TNIP3: variants seen among roughly 807,000 people sequenced by gnomAD.
The protein encoded by TNIP3 is TNFAIP3-interacting protein 3.
A neutral mutation model predicts 54.1 loss-of-function variants in TNIP3; 34 were observed. The observed-to-expected ratio is 0.63, with a 90% CI of 0.48 to 0.84. The LOEUF is 0.84. TNIP3 is among the 40% of genes least tolerant of loss of function. The pLI is 0.00. For synonymous variants in TNIP3, 134 were observed against 136.8 expected (o/e 0.98, Z 0.14); for missense variants, 366 against 387.6 (o/e 0.94, Z 0.47).
chr4:121,152,676 A>T (rs921101156), intron 5 of TNIP3, among the ~76,000 whole-genome samples: 1 of 152,222 alleles, frequency 6.6e-6, no homozygotes, highest in Non-Finnish European at 1.5e-5. Flanking sequence ...ACATTATGAC[A>T]TTGCCTGAGT....
At chr4:121,171,758 T>A (rs1414618817) in intron 3 of TNIP3, among the ~76,000 whole-genome samples, 3 of 151,982 alleles carry the variant, frequency 2.0e-5, no homozygotes, top group Non-Finnish European at 2.9e-5. Flanking sequence ...TGAGATGGAG[T>A]CTCACACTGT....
At chr4:121,211,302 A>G (rs146003793) in intron 2 of TNIP3, among the ~76,000 whole-genome samples, 73 of 152,336 alleles carry the variant, frequency 4.8e-4, no homozygotes, top group African/African-American at 1.7e-3. Flanking sequence ...ATAAAATACT[A>G]AAAAGAGGAA....
At chr4:121,179,606 A>G (rs1724561781) in intron 3 of TNIP3, among the ~76,000 whole-genome samples, 1 of 152,214 alleles carries the variant, frequency 6.6e-6, no homozygotes, top group Non-Finnish European at 1.5e-5. Context: ...TAGAATGAAG[A>G]AAAGGAAAAA....
At chr4:121,197,187 T>A (rs890166750) in intron 2 of TNIP3, among the ~76,000 whole-genome samples, 1 of 152,088 alleles carries the variant, frequency 6.6e-6, no homozygotes, top group Non-Finnish European at 1.5e-5. Flanking sequence ...TGTTTAGCTT[T>A]ACTGTTAAAG....
intron 1 of TNIP3, among the ~76,000 whole-genome samples, chr4:121,163,398 A>G (rs1162321357): frequency 6.6e-6 from 1 of 152,208 alleles, no homozygotes; most frequent in Non-Finnish European, 1.5e-5. Flanking sequence ...AAAGATTTTC[A>G]GTCATTGATT....
chr4:121,178,550 C>T (rs1214391496), intron 3 of TNIP3, among the ~76,000 whole-genome samples: 4 of 152,182 alleles, frequency 2.6e-5, no homozygotes, highest in Non-Finnish European at 5.9e-5. Flanking sequence ...AAGAGTGGTA[C>T]AGCAAACTTT....
At chr4:121,140,715 A>G (rs1223746262) in intron 9 of TNIP3, among the ~76,000 whole-genome samples, 1 of 152,234 alleles carries the variant, frequency 6.6e-6, no homozygotes, top group African/African-American at 2.4e-5. Flanking sequence ...ATTCTTGAAA[A>G]AAAAATTTAA....
chr4:121,203,216 T>TATAGGTAGATAG (rs1553936810), intron 2 of TNIP3, among the ~76,000 whole-genome samples: 2 of 146,964 alleles, frequency 1.4e-5, no homozygotes, highest in Non-Finnish European at 1.5e-5. Flanking sequence ...GAAAATGTGA[T>TATAGGTAGATAG]ATAGATAGAT....
intron 7 of TNIP3, among the ~76,000 whole-genome samples, chr4:121,145,622 A>G (rs1381777334): frequency 6.7e-6 from 1 of 149,170 alleles, no homozygotes; most frequent in Non-Finnish European, 1.5e-5. Context: ...ATAATTATAT[A>G]TTGATATATA....
upstream of TNIP3, among the ~76,000 whole-genome samples, chr4:121,221,468 T>C (rs1001073982): frequency 6.6e-6 from 1 of 152,228 alleles, no homozygotes; most frequent in Non-Finnish European, 1.5e-5. Context: ...ATAATTTCTA[T>C]GCAAAATGAG....
At chr4:121,153,219 A>G (rs1371824689) in intron 5 of TNIP3, among the ~76,000 whole-genome samples, 1 of 152,198 alleles carries the variant, frequency 6.6e-6, no homozygotes, top group Non-Finnish European at 1.5e-5. Flanking sequence ...GAATGATGAA[A>G]AATTGTATTT....
At chr4:121,185,771 T>C (rs2148829324) in intron 2 of TNIP3, among the ~76,000 whole-genome samples, 1 of 152,344 alleles carries the variant, frequency 6.6e-6, no homozygotes, top group Middle Eastern at 3.4e-3. Context: ...GAATGGACAC[T>C]CAAGCTCAGC....
intron 2 of TNIP3, among the ~76,000 whole-genome samples, chr4:121,187,944 C>CTT (rs201805651): frequency 1.3e-5 from 2 of 151,638 alleles, no homozygotes; most frequent in East Asian, 3.9e-4. Flanking sequence ...TCTTTCTTTC[C>CTT]TTTTTTTTAA....
intron 3 of TNIP3, among the ~76,000 whole-genome samples, chr4:121,176,497 G>A (rs531385813): frequency 2.7e-4 from 40 of 148,420 alleles, no homozygotes; most frequent in African/African-American, 9.6e-4. Context: ...TGAGGCTCAA[G>A]CTCATCCTAC....
chr4:121,213,073 A>AG (rs1560696542), intron 2 of TNIP3, among the ~76,000 whole-genome samples: 1 of 152,140 alleles, frequency 6.6e-6, no homozygotes, highest in Non-Finnish European at 1.5e-5. Flanking sequence ...ACTCACATGG[A>AG]GAAAAAAAGA....
chr4:121,143,965 G>A (rs1318505740), intron 7 of TNIP3, among the ~76,000 whole-genome samples: 1 of 152,096 alleles, frequency 6.6e-6, no homozygotes, highest in Non-Finnish European at 1.5e-5. Context: ...AGGAAACATG[G>A]CACTAAATAG....
intron 2 of TNIP3, among the ~76,000 whole-genome samples, chr4:121,204,171 T>C (rs1424466698): frequency 6.6e-6 from 1 of 152,020 alleles, no homozygotes; most frequent in East Asian, 1.9e-4. Context: ...GGGCCCAAAA[T>C]CTCGAAGCTA....
intron 3 of TNIP3, among the ~76,000 whole-genome samples, chr4:121,172,983 A>G (rs1180870922): frequency 1.3e-5 from 2 of 152,246 alleles, no homozygotes; most frequent in African/African-American, 4.8e-5. Context: ...CAGCCCCGTA[A>G]GAAGAGGCAG....
chr4:121,202,027 C>A (rs1373602601), intron 2 of TNIP3, among the ~76,000 whole-genome samples: 1 of 152,034 alleles, frequency 6.6e-6, no homozygotes, highest in Non-Finnish European at 1.5e-5. Context: ...CAAAATACTA[C>A]CATCATTTTT....
Sources: gnomAD v4.1 joint callset for allele counts (sites outside exome capture counted in the v4.1 genomes callset) on GRCh38, gnomAD v4.1.1 for gene constraint, MANE v1.5 for transcripts, NCBI Gene and HGNC (gene_info 2026-07-23, HGNC 2026-07-21) for gene names.